SLC16A11: variants seen among roughly 807,000 people sequenced by gnomAD.
The protein encoded by SLC16A11 is monocarboxylate transporter 11.
In SLC16A11, 24 loss-of-function variants were observed where a neutral mutation model predicts 26.0. The observed-to-expected ratio is 0.92, with a 90% CI of 0.67 to 1.30. The LOEUF (loss-of-function observed/expected upper bound fraction) is 1.30, where lower values mean the gene tolerates loss of function less well. Ranked by LOEUF, SLC16A11 falls within the 50% of genes most tolerant of loss-of-function variation. The probability of loss-of-function intolerance (pLI) is 0.00; values close to 1 mark genes in which losing one functional copy is unlikely to be tolerated. For synonymous variants in SLC16A11, 332 were observed against 296.0 expected (o/e 1.12, Z -1.25); for missense variants, 638 against 597.7 (o/e 1.07, Z -0.70).
At position 7,041,737 on chromosome 17, in the gene SLC16A11, G is replaced by GGAGC. The variant is rs1910743239; in HGVS notation, c.1282_1285dup (p.Pro429ArgfsTer32). 1 of 1,613,342 alleles carries GGAGC rather than the reference G, an allele frequency of 6.2e-7. No individual in the cohort carries two copies. The highest frequency in any genetic ancestry group is 2.2e-5 in the East Asian group (1 of 44,860). ...TCCTGGGGACAGCAAGACTGCCTGG[G>GGAGC]GAGCGGGAAGCAGCTCCCCCGTCTC... On this transcript the variant is annotated frameshift_variant, in exon 5 of 5. Transcript: ENST00000574600. LOFTEE classifies it low-confidence loss of function (END_TRUNC).
Position 7,043,038 on chromosome 17 carries a change from C to A in SLC16A11, c.238G>T (p.Ala80Ser), listed in dbSNP as rs75636181. The A allele has an allele frequency of 0.061, 95,377 of 1,571,614 alleles. 3,276 individuals carry two copies. The highest frequency in any genetic ancestry group is 0.072 in the Non-Finnish European group (83,527 of 1,158,456). ...CCCCCAACCATCACCACGGGGCGGG[C>A]CCCCCAGCGCGTGCTCAGGGCGCTG... is the stretch of plus-strand genomic sequence containing the variant. ...VGSALSTRWG[A>S]RPVVMVGGVL... Residue 80 changes from alanine to serine, a missense_variant, in exon 3 of 5, where the codon GCC (alanine) becomes TCC (serine). Transcript: ENST00000574600.
Position 7,043,783 on chromosome 17 carries a change from T to C in SLC16A11, c.-15A>G, listed in dbSNP as rs1910883093. On this transcript the variant is annotated 5_prime_UTR_variant, in exon 1 of 5. Transcript: ENST00000574600. ...CACTCCTTCCCCCTTACCCGACCTCTCCGGGCGGTGCGGGGAGGGGAAGGG... is the reference window on the plus strand; with the variant it reads ...CACTCCTTCCCCCTTACCCGACCTCCCCGGGCGGTGCGGGGAGGGGAAGGG... The C allele has an allele frequency of 7.2e-6, 4 of 555,338 alleles. No homozygotes were observed. Among genetic ancestry groups the C allele is most frequent in the African/African-American group, 5.9e-5 (3 of 50,690 alleles). The allele number at this position is 555,338 out of a possible 1,614,324, so 34.4% of individuals were successfully genotyped here.
intron 1 of SLC16A11, 67 bp from the exon 2 acceptor site, chr17:7,043,586 C>G (rs1266244140): frequency 2.6e-6 from 4 of 1,538,880 alleles, no homozygotes; most frequent in African/African-American, 2.7e-5. Context: ...GAGCTGGCAT[C>G]CCTGAGATCC....
Position 7,042,741 on chromosome 17 carries a change from G to A in SLC16A11, c.369C>T (p.Phe123=). ...LLAGFGWALV[F]APALGTLSRY... is the part of the protein sequence containing the mutation. ...GCGAGAGGGTGCCTAGGGCGGGGGC[G>A]AACACCAGGGCCCAACCAAAGCCTG... Residue 123 remains phenylalanine, a synonymous_variant, in exon 4 of 5, where the codon TTC becomes TTT. Transcript: ENST00000574600. The surrounding 1 kb of genome is among the most constrained non-coding windows in gnomAD (Gnocchi z 5.9). 6.5e-7 allele frequency: 1 copy of A among 1,539,984 alleles called. No homozygotes were observed. Among genetic ancestry groups the A allele is most frequent in the Non-Finnish European group, 8.7e-7 (1 of 1,146,416 alleles).
In SLC16A11 at chr17:7,042,425, G is replaced by A; in HGVS notation, c.685C>T (p.Leu229=). 3.2e-6 allele frequency: 5 copies of A among 1,558,748 alleles called. No homozygotes were observed. The highest frequency in any genetic ancestry group is 4.3e-6 in the Non-Finnish European group (5 of 1,150,792). ...AFSIFALGTA[L]VGGGYFVPYV... Reference sequence around the variant, plus strand: ...GGAACGAAGTACCCGCCCCCAACCAGGGCTGTGCCTAGAGCAAAGATTGAG... The same window carrying A: ...GGAACGAAGTACCCGCCCCCAACCAAGGCTGTGCCTAGAGCAAAGATTGAG... The change falls in exon 4 of 5, where the codon CTG becomes TTG. Residue 229 remains leucine (L), a synonymous_variant. Coordinates refer to ENST00000574600, the MANE Select transcript of SLC16A11 (RefSeq NM_001370549.1). This position sits in a 1 kb window ranked among gnomAD's most constrained non-coding sequence, Gnocchi z 5.9.
Position 7,042,491 on chromosome 17 carries a change from G to C in SLC16A11, c.619C>G (p.Leu207Val). 1 of 1,560,520 alleles carries C rather than the reference G, an allele frequency of 6.4e-7. No homozygotes were observed. The highest frequency in any genetic ancestry group is 1.7e-4 in the Middle Eastern group (1 of 5,998). Residue 207 changes from leucine (L) to valine (V), a missense_variant, in exon 4 of 5, where the codon CTA becomes GTA. Physicochemically the swap from Leu to Val is conservative, Grantham distance 32. Transcript: ENST00000574600. This position sits in a 1 kb window ranked among gnomAD's most constrained non-coding sequence, Gnocchi z 5.9. ...GDPPAPPRSP[L>V]AALGLSLFTR... ...AACAGACTCAGGCCGAGGGCAGCTA[G>C]GGGACTACGCGGTGGGGCTGGGGGG...
rs771860207 is a variant in SLC16A11 at position 7,041,745 on chromosome 17, A to G, written c.1278T>C (p.Leu426=). The G allele has an allele frequency of 2.5e-6, 4 of 1,613,258 alleles. No individual in the cohort carries two copies. In the South Asian group the frequency reaches 4.4e-5, roughly 18 times the overall value. ...ATPPPETGEL[L]PAPQAVLLSP... is the part of the protein sequence containing the mutation. ...ACAGCAAGACTGCCTGGGGAGCGGG[A>G]AGCAGCTCCCCCGTCTCTGGGGGAG... The change falls in exon 5 of 5, where the codon CTT becomes CTC. Residue 426 remains leucine (L), a synonymous_variant. Transcript: ENST00000574600.
Position 7,042,213 on chromosome 17 carries a change from C to CAGCCCCAGCCCAGTCAG in SLC16A11, c.880_896dup (p.Trp300Ter), listed in dbSNP as rs1910776046. On this transcript the variant is annotated stop_gained and frameshift_variant, in exon 4 of 5. Transcript: ENST00000574600. LOFTEE classifies it high-confidence loss of function. This position sits in a 1 kb window ranked among gnomAD's most constrained non-coding sequence, Gnocchi z 5.9. Reference sequence around the variant, plus strand: ...CCACGGGCACCAGCCCCACCACCCACAGCCCCAGCCCAGTCAGAGCCCCGA... The same window carrying CAGCCCCAGCCCAGTCAG: ...CCACGGGCACCAGCCCCACCACCCACAGCCCCAGCCCAGTCAGAGCCCCAGCCCAGTCAGAGCCCCGA... 6.4e-7 allele frequency: 1 copy of CAGCCCCAGCCCAGTCAG among 1,574,216 alleles called. No homozygotes were observed. The highest frequency in any genetic ancestry group is 8.6e-7 in the Non-Finnish European group (1 of 1,161,450).
chr17:7,043,113 C>A, intron 2 of SLC16A11, 40 bp from the exon 3 acceptor site: 2 of 1,487,552 alleles, frequency 1.3e-6, no homozygotes, highest in Non-Finnish European at 8.9e-7. Flanking sequence ...CGCCCCCGGG[C>A]CCCCAAACTC....
chr17:7,041,668 CAAG>C lies in SLC16A11; in HGVS notation c.*8_*10del, dbSNP rs748803958. 1 of 1,570,288 alleles carries C rather than the reference CAAG, an allele frequency of 6.4e-7. No homozygotes were observed. Among genetic ancestry groups the C allele is most frequent in the East Asian group, 2.3e-5 (1 of 44,314 alleles). On this transcript the variant is annotated 3_prime_UTR_variant, in exon 5 of 5. Transcript: ENST00000574600. The stretch of plus-strand genomic sequence containing the variant: ...TTCTTTATTGGGGGAGGGGCTCAAA[CAAG>C]AAAATAATCAACAAGTGGTGTCCAG...
Position 7,043,322 on chromosome 17 carries a change from C to A in SLC16A11, c.192G>T (p.Gln64His), listed in dbSNP as rs759591467. 2.5e-6 allele frequency: 4 copies of A among 1,605,740 alleles called. No homozygotes were observed. In the East Asian group the frequency reaches 8.9e-5, roughly 36 times the overall value. The change falls in exon 2 of 5, where the codon CAG (glutamine) becomes CAT (histidine). Residue 64 changes from glutamine to histidine, a missense_variant. Transcript: ENST00000574600. ...CAGGGCCCCCCTCACTGGCTGCCTG[C>A]TGCACGGCCAGGGCCAGGGCGCTGA... ...AWISALALAV[Q>H]QAASPVGSAL...
rs1412117350 is a variant in SLC16A11, at chr17:7,042,319, A to G, written c.791T>C (p.Met264Thr). The change falls in exon 4 of 5, where the codon ATG (methionine) becomes ACG (threonine). Residue 264 changes from methionine to threonine, a missense_variant. Transcript: ENST00000574600. This position sits in a 1 kb window ranked among gnomAD's most constrained non-coding sequence, Gnocchi z 5.9. ...GACCAGCCGGGCGCCCGCATCCCCC[A>G]TCGCAGCCACGGCCACCACCAGCGC... The part of the protein sequence containing the change: ...GAALVVAVAA[M>T]GDAGARLVCG... 6.5e-7 allele frequency: 1 copy of G among 1,546,742 alleles called. No homozygotes were observed. The highest frequency in any genetic ancestry group is 1.4e-5 in the African/African-American group (1 of 73,140).
intron 2 of SLC16A11, 102 bp from the exon 3 acceptor site, chr17:7,043,175 T>G: frequency 6.9e-7 from 1 of 1,459,650 alleles, no homozygotes; most frequent in Non-Finnish European, 9.0e-7. Context: ...ATGGTTCTTC[T>G]CCTTGACCTC....
chr17:7,043,342 C>A lies in SLC16A11; in HGVS notation c.172G>T (p.Ala58Ser). ...GCCTGCTGCACGGCCAGGGCCAGGG[C>A]GCTGATCCACGCAGTGTCCTGGGCG... is the stretch of plus-strand genomic sequence containing the variant. The part of the protein sequence containing the change: ...RSAQDTAWIS[A>S]LALAVQQAAS... Residue 58 changes from alanine to serine, a missense_variant, in exon 2 of 5, where the codon GCC (alanine) becomes TCC (serine). Physicochemically the swap from Ala to Ser is moderately conservative, Grantham distance 99 (BLOSUM62 1). Transcript: ENST00000574600. The A allele has an allele frequency of 6.2e-7, 1 of 1,609,888 alleles. No individual in the cohort carries two copies. Among genetic ancestry groups the A allele is most frequent in the Non-Finnish European group, 8.5e-7 (1 of 1,179,804 alleles).
At position 7,043,502 on chromosome 17, in the gene SLC16A11, C is replaced by G. The variant is rs998730947; in HGVS notation, c.12G>C (p.Gln4His). 1 of 1,598,646 alleles carries G rather than the reference C, an allele frequency of 6.3e-7. No individual in the cohort carries two copies. The highest frequency in any genetic ancestry group is 8.5e-7 in the Non-Finnish European group (1 of 1,178,392). ...AGCCCCCATCCGGGGGTCCGGCGGGCTGGGGGGTCATCGCCGTCTGCGGGG... is the reference window on the plus strand; with the variant it reads ...AGCCCCCATCCGGGGGTCCGGCGGGGTGGGGGGTCATCGCCGTCTGCGGGG... MTP[Q>H]PAGPPDGGWG... is the part of the protein sequence containing the mutation. The change falls in exon 2 of 5, where the codon CAG becomes CAC. Residue 4 changes from glutamine (Q) to histidine (H), a missense_variant. Gln to His is a conservative substitution (Grantham distance 24). Transcript: ENST00000574600.
In SLC16A11 at chr17:7,043,498, CG is replaced by C; in HGVS notation, c.15del (p.Ala6ProfsTer19). On this transcript the variant is annotated frameshift_variant, in exon 2 of 5. Transcript: ENST00000574600. LOFTEE classifies it high-confidence loss of function. MTPQ[P>X]AGPPDGGWGW... is the part of the protein sequence containing the mutation. Reference sequence around the variant, plus strand: ...CCCCAGCCCCCATCCGGGGGTCCGGCGGGCTGGGGGGTCATCGCCGTCTGCG... The same window carrying C: ...CCCCAGCCCCCATCCGGGGGTCCGGCGGCTGGGGGGTCATCGCCGTCTGCG... 1 of 1,598,062 alleles carries C rather than the reference CG, an allele frequency of 6.3e-7. No individual in the cohort carries two copies. The highest frequency in any genetic ancestry group is 8.5e-7 in the Non-Finnish European group (1 of 1,177,934).
chr17:7,043,406 GC>G lies in SLC16A11; in HGVS notation c.107del (p.Gly36AlafsTer39). The part of the protein sequence containing the change: ...GLSYGLLRSL[G>X]LAFPDLAEHF... ...GCTCGGCAAGGTCAGGGAAGGCAAGGCCCAGCGAGCGCAGCAGCCCGTAGGA... is the reference window on the plus strand; with the variant it reads ...GCTCGGCAAGGTCAGGGAAGGCAAGGCCAGCGAGCGCAGCAGCCCGTAGGA... On this transcript the variant is annotated frameshift_variant, in exon 2 of 5. Coordinates refer to ENST00000574600, the MANE Select transcript of SLC16A11 (RefSeq NM_001370549.1). LOFTEE classifies it high-confidence loss of function. 6.2e-7 allele frequency: 1 copy of G among 1,607,132 alleles called. No individual in the cohort carries two copies. Among genetic ancestry groups the G allele is most frequent in the Non-Finnish European group, 8.5e-7 (1 of 1,179,088 alleles).
Position 7,041,841 on chromosome 17 carries a change from G to T in SLC16A11, c.1182C>A (p.Ser394=), listed in dbSNP as rs767903632. The change falls in exon 5 of 5, where the codon TCC becomes TCA. Residue 394 remains serine, a synonymous_variant. Coordinates refer to ENST00000574600, the MANE Select transcript of SLC16A11 (RefSeq NM_001370549.1). The part of the protein sequence containing the change: ...SFLLSGSLIL[S]GSFIYIGLPR... ...GCAACCCTATGTAGATGAAGCTGCC[G>T]GAGAGGATCAAAGAACCAGACAGGA... is the stretch of plus-strand genomic sequence containing the variant. 1.2e-6 allele frequency: 2 copies of T among 1,614,020 alleles called. No individual in the cohort carries two copies. The highest frequency in any genetic ancestry group is 8.5e-7 in the Non-Finnish European group (1 of 1,179,964).
chr17:7,042,162 A>AC lies in SLC16A11; in HGVS notation c.947dup (p.Pro317SerfsTer61), dbSNP rs763185153. 2.4e-4 allele frequency: 378 copies of AC among 1,571,804 alleles called. 2 individuals are homozygous for AC. Among genetic ancestry groups the AC allele is most frequent in the Middle Eastern group, 5.0e-4 (3 of 5,956 alleles). ...AGGCCACAGCCGCGGCCAGCAGGGG[A>AC]CCCCCCCAGCTCTCTTCGCCGCCCA... On this transcript the variant is annotated frameshift_variant, in exon 4 of 5. Coordinates refer to ENST00000574600, the MANE Select transcript of SLC16A11 (RefSeq NM_001370549.1). LOFTEE classifies it high-confidence loss of function. This position sits in a 1 kb window ranked among gnomAD's most constrained non-coding sequence, Gnocchi z 5.9.
Sources: allele counts gnomAD v4.1 joint callset, GRCh38; gene constraint gnomAD v4.1.1; non-coding constraint Gnocchi (gnomAD v3.1); transcripts MANE v1.5; gene names NCBI Gene and HGNC (gene_info 2026-07-23, HGNC 2026-07-21).